The following SBF2 variants were observed in gnomAD, a reference collection of about 807,000 sequenced individuals.
SBF2 encodes SET binding factor 2.
A neutral mutation model predicts 225.2 loss-of-function variants in SBF2; 112 were observed. That is an observed-to-expected ratio of 0.50 (90% CI 0.43 to 0.58). SBF2 has a LOEUF of 0.58. SBF2 is among the 20% of genes least tolerant of loss of function. SBF2 has a pLI of 0.00. For synonymous variants in SBF2, 763 were observed against 773.3 expected (o/e 0.99, Z 0.22); for missense variants, 1,996 against 2,206.2 (o/e 0.90, Z 1.91).
chr11:10,230,349 C>G (rs1462005095), intron 1 of SBF2, among the ~76,000 whole-genome samples: 6 of 152,172 alleles, frequency 3.9e-5, no homozygotes, highest in Non-Finnish European at 8.8e-5. Context: ...TTGATCCTGT[C>G]ATTATGATGC....
At chr11:9,833,421 ATTT>A (rs371039800) in intron 26 of SBF2, among the ~76,000 whole-genome samples, 1 of 134,058 alleles carries the variant, frequency 7.5e-6, no homozygotes, top group African/African-American at 2.8e-5. Context: ...TTTTTTGGTG[ATTT>A]TTTTTTTTTT....
chr11:9,893,095 A>C (rs938163), intron 17 of SBF2, among the ~76,000 whole-genome samples: 38,121 of 152,108 alleles, frequency 0.25, 4,820 homozygotes, highest in Middle Eastern at 0.33. Flanking sequence ...AAGTATTTTA[A>C]AAGTAAGTTT....
intron 1 of SBF2, among the ~76,000 whole-genome samples, chr11:10,265,835 G>A (rs534671617): frequency 1.3e-4 from 20 of 151,962 alleles, no homozygotes; most frequent in Admixed American, 4.6e-4. Context: ...GATCACAGGT[G>A]CACACCACCA....
intron 38 of SBF2, 39 bp from the exon 39 acceptor site, chr11:9,781,677 A>G (rs563429805): frequency 6.2e-7 from 1 of 1,613,572 alleles, no homozygotes; most frequent in African/African-American, 1.3e-5. Flanking sequence ...TAAGAGACAG[A>G]AAGAGAAAAT....
chr11:10,175,950 T>C (rs1313935938), intron 2 of SBF2, among the ~76,000 whole-genome samples: 1 of 148,982 alleles, frequency 6.7e-6, no homozygotes, highest in Admixed American at 6.7e-5. Flanking sequence ...AATAAAGATG[T>C]TCTTTGAAAC....
intron 6 of SBF2, among the ~76,000 whole-genome samples, chr11:10,015,833 T>TC (rs1948628372): frequency 6.6e-6 from 1 of 152,062 alleles, no homozygotes; most frequent in African/African-American, 2.4e-5. Flanking sequence ...AGACGGAGTC[T>TC]CACTCTGTCA....
At chr11:10,234,455 T>G (rs1259897916) in intron 1 of SBF2, among the ~76,000 whole-genome samples, 6 of 152,208 alleles carry the variant, frequency 3.9e-5, no homozygotes, top group Non-Finnish European at 5.9e-5. Flanking sequence ...CCATATCAAT[T>G]TTTTTAATGT....
upstream of SBF2, chr11:10,294,231 G>C: frequency 2.1e-6 from 1 of 485,486 alleles, no homozygotes; most frequent in Non-Finnish European, 3.2e-6. Flanking sequence ...CGCTTGCGCG[G>C]CGCCTAGTGC....
chr11:10,133,910 G>A (rs960185761), intron 2 of SBF2, among the ~76,000 whole-genome samples: 13 of 152,360 alleles, frequency 8.5e-5, no homozygotes, highest in African/African-American at 3.1e-4. Flanking sequence ...CTTTGACCTT[G>A]GTTCCTGACA....
intron 2 of SBF2, among the ~76,000 whole-genome samples, chr11:10,168,958 A>C (rs1956082534): frequency 6.6e-6 from 1 of 152,234 alleles, no homozygotes; most frequent in Non-Finnish European, 1.5e-5. Context: ...AAGTAAGTAC[A>C]TAATATTGTA....
chr11:10,213,118 T>G (rs900835813), intron 1 of SBF2, among the ~76,000 whole-genome samples: 1 of 152,192 alleles, frequency 6.6e-6, no homozygotes, highest in Admixed American at 6.5e-5. Flanking sequence ...AAGCTCATTT[T>G]GTAGCAGCAT....
chr11:10,121,692 C>T (rs780678074), intron 2 of SBF2, among the ~76,000 whole-genome samples: 23 of 152,308 alleles, frequency 1.5e-4, no homozygotes, highest in Middle Eastern at 3.4e-3. Context: ...TACTTGGGAA[C>T]CTGTAGAATA....
At chr11:9,870,547 A>G (rs1365439255) in intron 17 of SBF2, among the ~76,000 whole-genome samples, 1 of 152,192 alleles carries the variant, frequency 6.6e-6, no homozygotes, top group African/African-American at 2.4e-5. Flanking sequence ...CAGAAATAAG[A>G]CCACACACCT....
intron 17 of SBF2, among the ~76,000 whole-genome samples, chr11:9,862,570 A>G (rs985910544): frequency 6.6e-6 from 1 of 152,220 alleles, no homozygotes; most frequent in Non-Finnish European, 1.5e-5. Flanking sequence ...CAAAATGAAC[A>G]TATTTTACAA....
At chr11:10,031,254 TA>T (rs1407451937) in intron 3 of SBF2, 84 bp from the exon 4 acceptor site, 1 of 1,284,766 alleles carries the variant, frequency 7.8e-7, no homozygotes, top group Non-Finnish European at 1.1e-6. Context: ...ACCTTAAATA[TA>T]ACTTATGCAA....
chr11:10,294,222 G>A, upstream of SBF2: 2 of 527,946 alleles, frequency 3.8e-6, no homozygotes, highest in African/African-American at 2.0e-5. Flanking sequence ...CGCGCTCTGC[G>A]CTTGCGCGGC....
intron 1 of SBF2, among the ~76,000 whole-genome samples, chr11:10,203,296 T>C (rs958874370): frequency 6.6e-6 from 1 of 152,304 alleles, no homozygotes; most frequent in Middle Eastern, 3.4e-3. Flanking sequence ...CCAGGGACTG[T>C]TTTTGTTCCC....
intron 2 of SBF2, among the ~76,000 whole-genome samples, chr11:10,130,261 C>A (rs924371870): frequency 4.0e-5 from 6 of 151,794 alleles, no homozygotes; most frequent in Admixed American, 3.3e-4. Context: ...ACTTGGGAGG[C>A]TGAGACAGGA....
intron 2 of SBF2, among the ~76,000 whole-genome samples, chr11:10,175,870 G>C (rs1382535983): frequency 6.6e-6 from 1 of 151,694 alleles, no homozygotes; most frequent in Non-Finnish European, 1.5e-5. Context: ...ACTCAAAACC[G>C]CTCAACTACA....
Sources: allele counts gnomAD v4.1 joint callset (sites outside exome capture counted in the v4.1 genomes callset), GRCh38; gene constraint gnomAD v4.1.1; transcripts MANE v1.5; gene names NCBI Gene and HGNC (gene_info 2026-07-23, HGNC 2026-07-21).